The following ZNF839 variants were observed in gnomAD, a reference collection of about 807,000 sequenced individuals.
The protein encoded by ZNF839 is renal carcinoma antigen NY-REN-50.
A neutral mutation model predicts 56.4 loss-of-function variants in ZNF839; 38 were observed. The observed-to-expected ratio is 0.67, with a 90% CI of 0.52 to 0.88. The LOEUF (loss-of-function observed/expected upper bound fraction) is 0.88, where lower values mean the gene tolerates loss of function less well. Among genes scored for constraint, ZNF839 ranks in the 40% least tolerant of loss-of-function variants. ZNF839 has a pLI of 0.00. For synonymous variants in ZNF839, 486 were observed against 493.5 expected (o/e 0.98, Z 0.20); for missense variants, 1,091 against 1,177.6 (o/e 0.93, Z 1.08).
chr14:102,335,642 C>T, intron 4 of ZNF839, 47 bp from the exon 5 acceptor site: 4 of 1,533,322 alleles, frequency 2.6e-6, no homozygotes, highest in Non-Finnish European at 3.5e-6. Flanking sequence ...TTTTCCATAT[C>T]AGTGCCTTGA....
At chr14:102,331,395 C>T (rs925328167) in intron 2 of ZNF839, 15 of 447,434 alleles carry the variant, frequency 3.4e-5, no homozygotes, top group East Asian at 2.2e-4. Context: ...ACTACAGGCG[C>T]GCGCCACCGC....
chr14:102,330,955 A>G (rs2073750147), intron 2 of ZNF839, among the ~76,000 whole-genome samples: 1 of 152,230 alleles, frequency 6.6e-6, no homozygotes, highest in South Asian at 2.1e-4. Flanking sequence ...GGAGACAGAA[A>G]GTAGACCGGT....
rs770912186 is a variant in ZNF839 at position 102,331,882 on chromosome 14, G to C, written c.1416+36G>C. The C allele has an allele frequency of 5.3e-6, 8 of 1,504,460 alleles. No individual in the cohort carries two copies. The South Asian group carries it at 9.8e-5, about 18-fold the overall frequency. The allele number at this position is 1,504,460 out of a possible 1,614,324, so 93.2% of individuals were successfully genotyped here. A position where few individuals can be genotyped will look rare whatever the true frequency, so the allele number is the denominator to read the frequency against. ...CTTAAACCCTGTGCTTGAAACCCGT[G>C]TCTTTAGCATGGATGTGGCAATCAC... On this transcript the variant is annotated intron_variant, in intron 3 of 7. Coordinates refer to ENST00000442396, the MANE Select transcript of ZNF839 (RefSeq NM_018335.6).
chr14:102,328,109 C>T (rs2073517495), intron 2 of ZNF839, among the ~76,000 whole-genome samples: 1 of 151,730 alleles, frequency 6.6e-6, no homozygotes, highest in Non-Finnish European at 1.5e-5. Flanking sequence ...AATCCCAGCA[C>T]TTTGGGAGGC....
At chr14:102,339,980 T>A (rs1457765737) in intron 7 of ZNF839, among the ~76,000 whole-genome samples, 6 of 147,486 alleles carry the variant, frequency 4.1e-5, no homozygotes, top group Non-Finnish European at 7.4e-5. Context: ...TATATATAAA[T>A]TTTTTTTTTG....
chr14:102,324,932 A>G (rs2139473286), intron 1 of ZNF839, among the ~76,000 whole-genome samples: 1 of 152,338 alleles, frequency 6.6e-6, no homozygotes, highest in Admixed American at 6.5e-5. Context: ...CCTGGGCGAC[A>G]GAGCAAGGGT....
In ZNF839 at chr14:102,341,358, C is replaced by T. The variant is rs758528499; in HGVS notation, c.1963C>T (p.Arg655Cys). The change falls in exon 8 of 8, where the codon CGT becomes TGT. Residue 655 changes from arginine (R) to cysteine (C), a missense_variant. Around this residue, in one of 3 missense-constraint regions of ZNF839, gnomAD observed 431 missense variants for 468.0 expected, o/e 0.92. Coordinates refer to ENST00000442396, the MANE Select transcript of ZNF839 (RefSeq NM_018335.6). The part of the protein sequence containing the change: ...SPPVNVTVSP[R>C]SEESHTTTVS... ...TCCAGTAAATGTGACTGTCTCTCCC[C>T]GTTCTGAAGAAAGCCATACAACGAC... 21 of 1,528,190 alleles carry T rather than the reference C, an allele frequency of 1.4e-5. No homozygotes were observed. The highest frequency in any genetic ancestry group is 6.6e-5 in the Admixed American group (3 of 45,134). 94.7% of individuals were successfully genotyped at this position (1,528,190 alleles called of 1,614,324 possible). A position where few individuals can be genotyped will look rare whatever the true frequency, so the allele number is the denominator to read the frequency against.
intron 5 of ZNF839, among the ~76,000 whole-genome samples, chr14:102,338,469 C>T (rs1357519194): frequency 1.5e-5 from 2 of 135,240 alleles, no homozygotes; most frequent in Non-Finnish European, 3.1e-5. Flanking sequence ...ATCTGGGAAG[C>T]GGAGGTTGTG....
intron 2 of ZNF839, among the ~76,000 whole-genome samples, chr14:102,329,739 A>G (rs1394274197): frequency 6.7e-6 from 1 of 148,902 alleles, no homozygotes. Flanking sequence ...GTGTGTGTGT[A>G]ATCTTTAGGC....
In ZNF839 at chr14:102,342,329, A is replaced by T. The variant is rs925752779; in HGVS notation, c.*150A>T. On this transcript the variant is annotated 3_prime_UTR_variant, in exon 8 of 8. Coordinates refer to ENST00000442396, the MANE Select transcript of ZNF839 (RefSeq NM_018335.6). ...TATTTTTCTAATGTGAATATTGCACAGATGAACCTTTTATTTATAAAGAAT... is the reference window on the plus strand; with the variant it reads ...TATTTTTCTAATGTGAATATTGCACTGATGAACCTTTTATTTATAAAGAAT... 125 of 884,870 alleles carry T rather than the reference A, an allele frequency of 1.4e-4. No homozygotes were observed. The highest frequency in any genetic ancestry group is 1.9e-4 in the Non-Finnish European group (112 of 595,272). The allele number at this position is 884,870 out of a possible 1,614,324, so 54.8% of individuals were successfully genotyped here.
At chr14:102,320,715 A>T (rs2073083170) in intron 1 of ZNF839, among the ~76,000 whole-genome samples, 1 of 152,210 alleles carries the variant, frequency 6.6e-6, no homozygotes, top group African/African-American at 2.4e-5. Context: ...AATGTTTGGA[A>T]TATGTGAAAG....
chr14:102,337,429 G>T (rs10134464), intron 5 of ZNF839: 2 of 150,702 alleles, frequency 1.3e-5, no homozygotes, highest in Admixed American at 1.3e-4. Context: ...TCAGCCTTCC[G>T]AAGTGCTGGG....
intron 3 of ZNF839, among the ~76,000 whole-genome samples, 154 bp downstream of exon 3, chr14:102,332,000 G>T (rs878955855): frequency 1.3e-5 from 2 of 152,174 alleles, no homozygotes. Context: ...GAACTAATTC[G>T]TACTCTTACC....
chr14:102,335,412 T>C (rs974899981), intron 4 of ZNF839: 2 of 344,118 alleles, frequency 5.8e-6, no homozygotes, highest in Non-Finnish European at 1.1e-5. Flanking sequence ...AGGGCCTTTC[T>C]GCCTTCCCTT....
upstream of ZNF839, chr14:102,319,691 G>T (rs531182015): frequency 2.1e-5 from 26 of 1,216,502 alleles, 1 homozygote; most frequent in African/African-American, 3.8e-4. The surrounding 1 kb of genome is among the most constrained non-coding windows in gnomAD (Gnocchi z 4.5). Context: ...CTCGTAGCCC[G>T]CCCCTCTCCT....
intron 1 of ZNF839, among the ~76,000 whole-genome samples, chr14:102,325,013 C>G (rs913782824): frequency 8.5e-5 from 13 of 152,052 alleles, no homozygotes; most frequent in African/African-American, 3.1e-4. Flanking sequence ...CTTCACTGGT[C>G]ATGAAATCAA....
intron 1 of ZNF839, among the ~76,000 whole-genome samples, chr14:102,322,717 A>G (rs1002512636): frequency 1.4e-4 from 21 of 152,114 alleles, no homozygotes; most frequent in African/African-American, 5.1e-4. Flanking sequence ...TGTATGCACC[A>G]TCATGCCTGG....
At position 102,335,138 on chromosome 14, in the gene ZNF839, C is replaced by A. The variant is rs191569736; in HGVS notation, c.1509+492C>A. ...AGCTGAAGTGAGCCTGCTGGTCACA[C>A]ACCGTGCCTGGTGTGGGGGCCGCTG... On this transcript the variant is annotated intron_variant, in intron 4 of 7. Transcript: ENST00000442396. 4 of 154,728 alleles carry A rather than the reference C, an allele frequency of 2.6e-5. No homozygotes were observed. In the East Asian group the frequency reaches 7.6e-4, roughly 30 times the overall value. 9.6% of individuals were successfully genotyped at this position (154,728 alleles called of 1,614,324 possible).
At chr14:102,337,325 T>TG (rs1885880185) in intron 5 of ZNF839, 2 of 152,168 alleles carry the variant, frequency 1.3e-5, no homozygotes, top group Admixed American at 6.6e-5. Context: ...TGCACCACCA[T>TG]GCCCAGCTAA....
Sources: gnomAD v4.1 joint callset for allele counts (sites outside exome capture counted in the v4.1 genomes callset) on GRCh38, gnomAD v4.1.1 for gene constraint, gnomAD v4.1.1 regional missense constraint, Gnocchi (gnomAD v3.1) non-coding constraint, MANE v1.5 for transcripts, NCBI Gene and HGNC (gene_info 2026-07-23, HGNC 2026-07-21) for gene names.